TTC23: variants seen among roughly 807,000 people sequenced by gnomAD.
TTC23 encodes the protein tetratricopeptide repeat domain 23, also known as tetratricopeptide repeat protein 23.
TTC23 carries 58 observed loss-of-function variants against 55.1 expected under a neutral mutation model. The ratio of observed to expected loss-of-function variants is 1.05; its 90% confidence interval spans 0.85 to 1.31. TTC23 has a LOEUF of 1.31. TTC23 is among the 50% of genes most tolerant of loss of function. The pLI is 0.00. For missense variants in TTC23, 516 were observed against 534.4 expected, an observed-to-expected ratio of 0.97 and a Z score of 0.34; for synonymous variants, 203 against 199.9, an observed-to-expected ratio of 1.02 and a Z score of -0.13.
chr15:99,175,337 A>AG (rs2073421864), intron 9 of TTC23, among the ~76,000 whole-genome samples, 182 bp from the exon 10 acceptor site: 1 of 152,278 alleles, frequency 6.6e-6, no homozygotes, highest in African/African-American at 2.4e-5. Context: ...TGAGTGGTGG[A>AG]GGGAACACTG....
Position 99,178,344 on chromosome 15 carries a change from T to A in TTC23, c.760-3189A>T, listed in dbSNP as rs117952437. 4.3e-3 allele frequency among the ~76,000 whole-genome samples: 657 copies of A among 152,348 alleles called. 4 individuals carry two copies. The highest frequency in any genetic ancestry group is 5.8e-3 in the Non-Finnish European group (395 of 68,030). Reference sequence around the variant, plus strand: ...TCAATCCCTAATGTAATTTATTTGATGTTCATGAAGCTTTTATAAACCATA... The same window carrying A: ...TCAATCCCTAATGTAATTTATTTGAAGTTCATGAAGCTTTTATAAACCATA... On this transcript the variant is annotated intron_variant, in intron 9 of 13. Coordinates refer to ENST00000394132, the MANE Select transcript of TTC23 (RefSeq NM_001288615.3).
At chr15:99,213,662 A>G (rs1458763387) in intron 8 of TTC23, among the ~76,000 whole-genome samples, 1 of 152,210 alleles carries the variant, frequency 6.6e-6, no homozygotes, top group African/African-American at 2.4e-5. Context: ...TATAAATGGA[A>G]TTGTACAGTA....
At chr15:99,196,463 T>C (rs1373497610) in intron 9 of TTC23, among the ~76,000 whole-genome samples, 1 of 152,212 alleles carries the variant, frequency 6.6e-6, no homozygotes, top group Non-Finnish European at 1.5e-5. Context: ...CAGTTATTGA[T>C]ACTAACAAAA....
At chr15:99,215,562 T>C (rs115756521) in intron 8 of TTC23, among the ~76,000 whole-genome samples, 12 of 151,860 alleles carry the variant, frequency 7.9e-5, no homozygotes, top group African/African-American at 2.9e-4. Context: ...CTGGGCAACA[T>C]AGCGAAATTT....
At chr15:99,228,832 A>G (rs2078685250) in intron 4 of TTC23, 100 bp from the exon 5 acceptor site, 2 of 988,074 alleles carry the variant, frequency 2.0e-6, no homozygotes, top group South Asian at 4.1e-5. Context: ...CTTTGAAATT[A>G]GTAGCATTAT....
chr15:99,207,835 C>A (rs115222838), intron 8 of TTC23, among the ~76,000 whole-genome samples: 2 of 152,066 alleles, frequency 1.3e-5, no homozygotes, highest in South Asian at 4.1e-4. Context: ...AGCCTGAGGA[C>A]GCTGAATAAC....
intron 9 of TTC23, among the ~76,000 whole-genome samples, chr15:99,194,235 T>C (rs2075497751): frequency 1.3e-5 from 2 of 152,102 alleles, no homozygotes; most frequent in African/African-American, 2.4e-5. Context: ...AGTTATTTTG[T>C]GGATATTGAC....
At chr15:99,216,600 C>T (rs911172648) in intron 8 of TTC23, among the ~76,000 whole-genome samples, 1 of 151,918 alleles carries the variant, frequency 6.6e-6, no homozygotes, top group African/African-American at 2.4e-5. Flanking sequence ...AAGGTGAATC[C>T]CAAGTGGCTA....
At chr15:99,155,753 TAAG>T (rs2070450235) in intron 12 of TTC23, 1 of 225,612 alleles carries the variant, frequency 4.4e-6, no homozygotes, top group East Asian at 8.8e-5. Context: ...GGAAAAAAGG[TAAG>T]ATTAGATCCA....
chr15:99,242,465 T>G (rs966858836), intron 2 of TTC23, among the ~76,000 whole-genome samples: 1 of 152,120 alleles, frequency 6.6e-6, no homozygotes, highest in African/African-American at 2.4e-5. Flanking sequence ...TAACAGAAGA[T>G]AGAGAAGGAA....
chr15:99,230,246 A>C (rs979965078), intron 4 of TTC23, among the ~76,000 whole-genome samples: 3 of 152,208 alleles, frequency 2.0e-5, no homozygotes, highest in Non-Finnish European at 4.4e-5. Context: ...TTATGTGTGA[A>C]GATGAAAATG....
chr15:99,239,385 T>C (rs2079579150), intron 3 of TTC23, among the ~76,000 whole-genome samples: 1 of 152,090 alleles, frequency 6.6e-6, no homozygotes, highest in African/African-American at 2.4e-5. Context: ...CTCTGGAGGC[T>C]GAGGCAGGAG....
intron 9 of TTC23, among the ~76,000 whole-genome samples, chr15:99,197,305 T>A (rs1468124207): frequency 1.3e-5 from 2 of 152,042 alleles, no homozygotes; most frequent in Non-Finnish European, 1.5e-5. Flanking sequence ...GGTTTCACCA[T>A]GTTAGCCAGG....
At chr15:99,183,338 T>C (rs2074333816) in intron 9 of TTC23, among the ~76,000 whole-genome samples, 1 of 151,116 alleles carries the variant, frequency 6.6e-6, no homozygotes, top group Non-Finnish European at 1.5e-5. Flanking sequence ...TTTTTTTTTT[T>C]TGAGACAGAG....
intron 9 of TTC23, among the ~76,000 whole-genome samples, chr15:99,188,497 G>A (rs767061380): frequency 6.6e-6 from 1 of 151,866 alleles, no homozygotes; most frequent in Non-Finnish European, 1.5e-5. Flanking sequence ...CTCAAAAAAC[G>A]CTATGAACAA....
In TTC23 at chr15:99,187,452, C is replaced by CAAAAAAAAAAA. The variant is rs66568931; in HGVS notation, c.760-12308_760-12298dup. Among the ~76,000 whole-genome samples, 330 of 44,288 alleles carry CAAAAAAAAAAA rather than the reference C, an allele frequency of 7.5e-3. 8 individuals are homozygous for CAAAAAAAAAAA. Among genetic ancestry groups the CAAAAAAAAAAA allele is most frequent in the East Asian group, 0.013 (19 of 1,482 alleles). The allele number at this position is 44,288 out of a possible 152,430, so 29.1% of individuals were successfully genotyped here. The stretch of plus-strand genomic sequence containing the variant: ...GGAGATGTGATGCCAAAAGCACAAG[C>CAAAAAAAAAAA]AAAAAAAAAAAAAAAACAAAACAAA... On this transcript the variant is annotated intron_variant, in intron 9 of 13. Transcript: ENST00000394132.
intron 12 of TTC23, chr15:99,140,050 T>C (rs1479743325): frequency 4.5e-6 from 1 of 221,178 alleles, no homozygotes; most frequent in Non-Finnish European, 9.2e-6. Flanking sequence ...TGGAGGAACT[T>C]GCTTTACTGA....
chr15:99,234,665 C>G (rs561084263), intron 4 of TTC23, among the ~76,000 whole-genome samples: 1 of 152,076 alleles, frequency 6.6e-6, no homozygotes, highest in South Asian at 2.1e-4. Context: ...AGCCACCGCA[C>G]CTGGCCAAAA....
At chr15:99,244,444 T>C in intron 2 of TTC23, among the ~76,000 whole-genome samples, 1 of 152,176 alleles carries the variant, frequency 6.6e-6, no homozygotes, top group East Asian at 1.9e-4. Context: ...ACTAAATAAG[T>C]TCGGCAAGGC....
Sources: gnomAD v4.1 joint callset for allele counts (sites outside exome capture counted in the v4.1 genomes callset) on GRCh38, gnomAD v4.1.1 for gene constraint, MANE v1.5 for transcripts, NCBI Gene and HGNC (gene_info 2026-07-23, HGNC 2026-07-21) for gene names.